DPYD: variants seen among roughly 807,000 people sequenced by gnomAD.
The protein encoded by DPYD is dihydropyrimidine dehydrogenase, also known as dihydropyrimidine dehydrogenase [NADP(+)].
A neutral mutation model predicts 116.2 loss-of-function variants in DPYD; 109 were observed. The observed-to-expected ratio is 0.94, with a 90% CI of 0.80 to 1.10. The LOEUF (loss-of-function observed/expected upper bound fraction) is 1.10. Among genes scored for constraint, DPYD ranks in the 50% least tolerant of loss-of-function variants. DPYD has a pLI of 0.00. For missense variants in DPYD, 1,302 were observed against 1,254.5 expected (o/e 1.04, Z -0.57); for synonymous variants, 440 against 432.0 (o/e 1.02, Z -0.23).
chr1:97,665,153 T>C (rs750386411), intron 8 of DPYD, among the ~76,000 whole-genome samples: 1 of 152,082 alleles, frequency 6.6e-6, no homozygotes, highest in Non-Finnish European at 1.5e-5. Flanking sequence ...ATAACATTGA[T>C]TCAACTTGCC....
intron 18 of DPYD, among the ~76,000 whole-genome samples, chr1:97,268,131 G>T (rs1201085257): frequency 1.3e-5 from 2 of 152,180 alleles, no homozygotes. Context: ...TAAAGCTAGA[G>T]AATAATATGT....
At chr1:97,316,775 T>A (rs1667880364) in intron 16 of DPYD, among the ~76,000 whole-genome samples, 1 of 151,824 alleles carries the variant, frequency 6.6e-6, no homozygotes, top group South Asian at 2.1e-4. Context: ...CCTCTGAGCC[T>A]CTATGCCTGC....
intron 22 of DPYD, among the ~76,000 whole-genome samples, chr1:97,080,392 T>C (rs561924272): frequency 5.6e-4 from 86 of 152,222 alleles, no homozygotes; most frequent in African/African-American, 2.0e-3. Context: ...GTTTAAAAAA[T>C]TCCCCCCTCC....
chr1:97,409,378 C>G (rs748303876), intron 14 of DPYD, among the ~76,000 whole-genome samples: 14 of 152,084 alleles, frequency 9.2e-5, no homozygotes, highest in Non-Finnish European at 1.9e-4. Flanking sequence ...TGGTAAGCTC[C>G]TAGAGAACAT....
chr1:97,190,859 G>A (rs1253508721), intron 20 of DPYD, among the ~76,000 whole-genome samples: 1 of 152,100 alleles, frequency 6.6e-6, no homozygotes, highest in Admixed American at 6.6e-5. Context: ...CCTGACCTAT[G>A]AGTGAATATC....
At chr1:97,132,857 T>C (rs1653441278) in intron 20 of DPYD, among the ~76,000 whole-genome samples, 1 of 152,096 alleles carries the variant, frequency 6.6e-6, no homozygotes, top group Admixed American at 6.5e-5. Context: ...TTACTTAGAG[T>C]TAATTCAAAT....
intron 2 of DPYD, among the ~76,000 whole-genome samples, chr1:97,841,309 G>A (rs1358945569): frequency 3.3e-5 from 5 of 151,920 alleles, no homozygotes; most frequent in Admixed American, 2.6e-4. Flanking sequence ...CCTTTTATGA[G>A]ATTATCACAG....
chr1:97,765,400 C>T (rs941322517), intron 3 of DPYD, among the ~76,000 whole-genome samples: 1 of 152,172 alleles, frequency 6.6e-6, no homozygotes, highest in Non-Finnish European at 1.5e-5. Context: ...TACTCTGAGG[C>T]AGATCACTGG....
Position 97,417,283 on chromosome 1 carries a change from ATTTG to A in DPYD, c.1905+32772_1905+32775del, listed in dbSNP as rs546029329. ...TTGAGTTGGTTTTTAAAGCATTTCTATTTGTTTATTTGTCTATTTATATCTCTGT... is the reference window on the plus strand; with the variant it reads ...TTGAGTTGGTTTTTAAAGCATTTCTATTTATTTGTCTATTTATATCTCTGT... On this transcript the variant is annotated intron_variant, in intron 14 of 22. Coordinates refer to ENST00000370192, the MANE Select transcript of DPYD (RefSeq NM_000110.4). Among the ~76,000 whole-genome samples, 845 of 152,194 alleles carry A rather than the reference ATTTG, an allele frequency of 5.6e-3. 6 individuals carry two copies. The highest frequency in any genetic ancestry group is 9.3e-3 in the Non-Finnish European group (630 of 67,996).
rs74106641 is a variant in DPYD, at chr1:97,100,994, G to A, written c.2623-2362C>T. On this transcript the variant is annotated intron_variant, in intron 20 of 22. Transcript: ENST00000370192. ...GGTTTTATAATTAGTCCTAAAGAGA[G>A]AATCTCAATTTAACATAAAGATTCC... Among the ~76,000 whole-genome samples the A allele has an allele frequency of 5.6e-3, 849 of 151,922 alleles. 6 individuals carry two copies. Among genetic ancestry groups the A allele is most frequent in the African/African-American group, 0.019 (783 of 41,454 alleles).
chr1:97,689,193 G>A (rs1175477721), intron 7 of DPYD, among the ~76,000 whole-genome samples: 1 of 150,402 alleles, frequency 6.6e-6, no homozygotes, highest in African/African-American at 2.4e-5. Flanking sequence ...ATTAATCTTA[G>A]AACTAACAAG....
intron 20 of DPYD, among the ~76,000 whole-genome samples, chr1:97,130,089 T>C (rs940937125): frequency 5.9e-5 from 9 of 152,152 alleles, no homozygotes; most frequent in African/African-American, 1.9e-4. Context: ...CCACCGAGTC[T>C]TGAGCAAACA....
intron 3 of DPYD, among the ~76,000 whole-genome samples, chr1:97,764,628 T>C (rs912572279): frequency 2.6e-5 from 4 of 152,112 alleles, no homozygotes; most frequent in Non-Finnish European, 5.9e-5. Context: ...CTATTTATAA[T>C]TAACTTACAC....
At chr1:97,559,159 A>T (rs1651954560) in intron 11 of DPYD, among the ~76,000 whole-genome samples, 1 of 152,094 alleles carries the variant, frequency 6.6e-6, no homozygotes, top group African/African-American at 2.4e-5. Flanking sequence ...TATTTTTTGT[A>T]TACTTCTCAG....
chr1:97,859,876 A>G (rs1451976631), intron 2 of DPYD, among the ~76,000 whole-genome samples: 1 of 152,224 alleles, frequency 6.6e-6, no homozygotes, highest in Non-Finnish European at 1.5e-5. Context: ...TAACAATTTA[A>G]TAATTTTTCC....
intron 20 of DPYD, among the ~76,000 whole-genome samples, chr1:97,156,186 C>A (rs914344405): frequency 2.6e-5 from 4 of 151,838 alleles, no homozygotes; most frequent in African/African-American, 9.7e-5. Context: ...ATTTTTTTTA[C>A]CTTGGATTAG....
At chr1:97,141,628 A>G (rs1267183833) in intron 20 of DPYD, among the ~76,000 whole-genome samples, 1 of 152,064 alleles carries the variant, frequency 6.6e-6, no homozygotes, top group East Asian at 1.9e-4. Flanking sequence ...AGCCCTTATC[A>G]CCGAATATAC....
At chr1:97,606,327 T>C (rs1655596008) in intron 8 of DPYD, among the ~76,000 whole-genome samples, 1 of 151,916 alleles carries the variant, frequency 6.6e-6, no homozygotes, top group African/African-American at 2.4e-5. Flanking sequence ...TCTGGGGTAG[T>C]AGGAAGAAGG....
intron 6 of DPYD, among the ~76,000 whole-genome samples, chr1:97,693,494 A>G (rs1282616134): frequency 6.6e-6 from 1 of 152,032 alleles, no homozygotes; most frequent in African/African-American, 2.4e-5. Context: ...AGGTAACAAG[A>G]ATGTGCCAGA....
Sources: allele counts gnomAD v4.1 joint callset (sites outside exome capture counted in the v4.1 genomes callset), GRCh38; gene constraint gnomAD v4.1.1; transcripts MANE v1.5; gene names NCBI Gene and HGNC (gene_info 2026-07-23, HGNC 2026-07-21).